Variants in THADA observed in about 807,000 individuals in gnomAD.
The protein encoded by THADA is tRNA (32-2'-O)-methyltransferase regulator THADA.
THADA carries 213 observed loss-of-function variants against 219.8 expected under a neutral mutation model. The ratio of observed to expected loss-of-function variants is 0.97; its 90% CI spans 0.87 to 1.09. THADA has a LOEUF of 1.09. THADA is among the 50% of genes least tolerant of loss of function. The pLI, the probability that THADA is intolerant of heterozygous loss-of-function variation, is 0.00. For synonymous variants in THADA, 1,018 were observed against 828.9 expected, an observed-to-expected ratio of 1.23 and a Z score of -3.92; for missense variants, 2,956 against 2,311.3, an observed-to-expected ratio of 1.28 and a Z score of -5.72.
At chr2:43,396,937 TAAC>T (rs1417630813) in intron 29 of THADA, among the ~76,000 whole-genome samples, 1 of 152,204 alleles carries the variant, frequency 6.6e-6, no homozygotes, top group Non-Finnish European at 1.5e-5. Flanking sequence ...ATGATAATAA[TAAC>T]AATAATGACT....
intron 29 of THADA, among the ~76,000 whole-genome samples, chr2:43,357,239 G>GT (rs890129399): frequency 1.3e-5 from 2 of 151,694 alleles, no homozygotes; most frequent in Non-Finnish European, 2.9e-5. Flanking sequence ...AACAATGAGG[G>GT]TTTTTTTTAA....
At chr2:43,545,236 G>C (rs1016307174) in intron 20 of THADA, among the ~76,000 whole-genome samples, 2 of 151,404 alleles carry the variant, frequency 1.3e-5, no homozygotes, top group Admixed American at 6.6e-5. Flanking sequence ...ACTTGATCAT[G>C]GTGGATAAGC....
intron 7 of THADA, among the ~76,000 whole-genome samples, chr2:43,585,569 T>TAGATAGATAGAC (rs1700931982): frequency 7.0e-6 from 1 of 142,938 alleles, no homozygotes; most frequent in Non-Finnish European, 1.5e-5. Flanking sequence ...GATAGATAGA[T>TAGATAGATAGAC]AGATAGATAG....
intron 31 of THADA, among the ~76,000 whole-genome samples, chr2:43,299,031 T>C (rs1675933742): frequency 6.6e-6 from 1 of 152,128 alleles, no homozygotes; most frequent in African/African-American, 2.4e-5. Flanking sequence ...CCTAATGCAG[T>C]CAACACACAG....
At chr2:43,331,432 G>C (rs1482677573) in intron 30 of THADA, among the ~76,000 whole-genome samples, 1 of 152,228 alleles carries the variant, frequency 6.6e-6, no homozygotes, top group East Asian at 1.9e-4. Context: ...AAAGCATTTA[G>C]TGCATTTCAT....
rs1282521994 is a variant in THADA at position 43,578,695 on chromosome 2, C to T, written c.722-88G>A. On this transcript the variant is annotated intron_variant, in intron 8 of 37. Coordinates refer to ENST00000405975, the MANE Select transcript of THADA (RefSeq NM_022065.5). ...AGCAGATGCTGAGCAGCCAGATAGGCCTGGGTACAATTTCTAGTCTGACCA... is the reference window on the plus strand; with the variant it reads ...AGCAGATGCTGAGCAGCCAGATAGGTCTGGGTACAATTTCTAGTCTGACCA... 12 of 865,146 alleles carry T rather than the reference C, an allele frequency of 1.4e-5. No individual in the cohort carries two copies. In the East Asian group the frequency reaches 3.1e-4, roughly 22 times the overall value. The allele number at this position is 865,146 out of a possible 1,614,324, so 53.6% of individuals were successfully genotyped here. A position where few individuals can be genotyped will look rare whatever the true frequency, so the allele number is the denominator to read the frequency against.
chr2:43,285,196 A>C (rs571331197), intron 35 of THADA, among the ~76,000 whole-genome samples: 25 of 152,288 alleles, frequency 1.6e-4, no homozygotes, highest in African/African-American at 6.0e-4. Context: ...TTGCAATGTG[A>C]GAAGGACATG....
intron 26 of THADA, among the ~76,000 whole-genome samples, chr2:43,474,976 T>C (rs1397840403): frequency 6.6e-6 from 1 of 152,028 alleles, no homozygotes; most frequent in East Asian, 1.9e-4. Context: ...AAAAAACATT[T>C]AGAGTTTAGA....
chr2:43,539,681 C>A (rs905885310), intron 21 of THADA, among the ~76,000 whole-genome samples: 11 of 152,162 alleles, frequency 7.2e-5, no homozygotes, highest in African/African-American at 2.7e-4. Flanking sequence ...AGAAAAATGA[C>A]TGGACCTCAT....
intron 34 of THADA, among the ~76,000 whole-genome samples, chr2:43,287,659 A>G (rs1674199468): frequency 6.6e-6 from 1 of 152,180 alleles, no homozygotes; most frequent in Non-Finnish European, 1.5e-5. Flanking sequence ...TTGGTCTGGT[A>G]AAGACCAAAC....
chr2:43,258,377 C>A (rs1670560110), intron 36 of THADA, among the ~76,000 whole-genome samples: 1 of 151,908 alleles, frequency 6.6e-6, no homozygotes, highest in African/African-American at 2.4e-5. Context: ...ACAAAATTAG[C>A]CAGGTGTGGT....
intron 17 of THADA, 169 bp downstream of exon 17, chr2:43,556,176 T>G (rs929077538): frequency 7.5e-7 from 1 of 1,340,416 alleles, no homozygotes; most frequent in Non-Finnish European, 9.8e-7. Context: ...AAAAGTATTA[T>G]AGCTGACTAA....
At chr2:43,370,878 T>A (rs1670721213) in intron 29 of THADA, among the ~76,000 whole-genome samples, 3 of 152,200 alleles carry the variant, frequency 2.0e-5, no homozygotes. Context: ...CCCATCAACC[T>A]CAGCAAGATG....
At chr2:43,247,906 G>A (rs1669327465) in intron 36 of THADA, among the ~76,000 whole-genome samples, 1 of 150,974 alleles carries the variant, frequency 6.6e-6, no homozygotes, top group Non-Finnish European at 1.5e-5. Flanking sequence ...AGCTGAATGT[G>A]GTGGTACATG....
chr2:43,552,463 T>A (rs935508791), intron 17 of THADA, 124 bp from the exon 18 acceptor site: 2 of 1,057,958 alleles, frequency 1.9e-6, no homozygotes, highest in East Asian at 5.3e-5. Flanking sequence ...AGTTTTTTAA[T>A]CAAAAAGAGA....
chr2:43,268,379 C>T (rs1380642697), intron 36 of THADA, among the ~76,000 whole-genome samples: 1 of 152,196 alleles, frequency 6.6e-6, no homozygotes, highest in Non-Finnish European at 1.5e-5. Context: ...GCCATTCTAT[C>T]TCAATGTACA....
In THADA at chr2:43,505,718, T is replaced by C. The variant is rs750914240; in HGVS notation, c.3525A>G (p.Glu1175=). The C allele has an allele frequency of 1.9e-6, 3 of 1,584,434 alleles. No individual in the cohort carries two copies. In the South Asian group the frequency reaches 3.5e-5, roughly 18 times the overall value. Residue 1175 remains glutamate (E), a synonymous_variant, in exon 24 of 38, where the codon GAA becomes GAG. Coordinates refer to ENST00000405975, the MANE Select transcript of THADA (RefSeq NM_022065.5). The stretch of plus-strand genomic sequence containing the variant: ...ACAAATCCATTCTGCCTTTCTTTGG[T>C]TCAGATGCCAACAGTGCCTATGGAA... ...PFYIQALLAS[E]PKKGRMDLLK...
At chr2:43,593,630 C>CTTTTTTTT (rs764094980) in intron 1 of THADA, among the ~76,000 whole-genome samples, 1 of 127,662 alleles carries the variant, frequency 7.8e-6, no homozygotes, top group Admixed American at 7.8e-5. Flanking sequence ...CTACTACAGA[C>CTTTTTTTT]TTTTTTTTTT....
At chr2:43,556,312 T>C in intron 17 of THADA, 33 bp downstream of exon 17, 1 of 1,607,824 alleles carries the variant, frequency 6.2e-7, no homozygotes. Context: ...GACTAAGCTA[T>C]TCGTTTTGAT....
Sources: gnomAD v4.1 joint callset for allele counts (sites outside exome capture counted in the v4.1 genomes callset) on GRCh38, gnomAD v4.1.1 for gene constraint, MANE v1.5 for transcripts, NCBI Gene and HGNC (gene_info 2026-07-23, HGNC 2026-07-21) for gene names.